MELTF: variants seen among roughly 807,000 people sequenced by gnomAD.
MELTF encodes the protein antigen p97 (melanoma associated) identified by monoclonal antibodies 133.2 and 96.5.
In MELTF, 67 loss-of-function variants were observed where a neutral mutation model predicts 83.7. That is an observed-to-expected ratio of 0.80 (90% CI 0.66 to 0.98). The LOEUF (loss-of-function observed/expected upper bound fraction) is 0.98, where lower values mean the gene tolerates loss of function less well. MELTF is among the 50% of genes least tolerant of loss of function. The probability of loss-of-function intolerance (pLI) is 0.00; values close to 1 mark genes in which losing one functional copy is unlikely to be tolerated. For missense variants in MELTF, 1,002 were observed against 1,035.6 expected (o/e 0.97, Z 0.44); for synonymous variants, 462 against 447.6 (o/e 1.03, Z -0.41).
Position 197,021,447 on chromosome 3 carries a change from G to A in MELTF, c.669C>T (p.Asp223=), listed in dbSNP as rs148913417. ...AFRCLAEGAG[D]VAFVKHSTVL... ...CCGTGCTGTGCTTCACAAAAGCCAC[G>A]TCCCCTGCCCCTTCCGCCAGGCACC... The change falls in exon 6 of 16, where the codon GAC becomes GAT. Residue 223 remains aspartate (D), a synonymous_variant. Coordinates refer to ENST00000296350, the MANE Select transcript of MELTF (RefSeq NM_005929.6). 522 of 1,613,982 alleles carry A rather than the reference G, an allele frequency of 3.2e-4. 3 individuals are homozygous for A. In the African/African-American group the frequency reaches 5.0e-3, roughly 15 times the overall value.
Position 197,006,054 on chromosome 3 carries a change from A to G in MELTF, c.1938+495T>C, listed in dbSNP as rs1266496441. ...GCTAACACGGTGAAACCCCTTCTCT[A>G]CTAAAAAATAGAAAAAATTAGCCAG... On this transcript the variant is annotated intron_variant, in intron 14 of 15. Coordinates refer to ENST00000296350, the MANE Select transcript of MELTF (RefSeq NM_005929.6). The surrounding 1 kb of genome is among the most constrained non-coding windows in gnomAD (Gnocchi z 5.4). Among the ~76,000 whole-genome samples the G allele has an allele frequency of 2.0e-5, 3 of 152,088 alleles. No homozygotes were observed. The highest frequency in any genetic ancestry group is 2.4e-5 in the African/African-American group (1 of 41,414).
chr3:197,004,345 A>G, intron 14 of MELTF: 1 of 545,576 alleles, frequency 1.8e-6, no homozygotes. Flanking sequence ...GCGGTGCTCC[A>G]GCTCCTGGAT....
Position 197,003,365 on chromosome 3 carries a change from G to A in MELTF, c.*7C>T. The A allele has an allele frequency of 9.3e-7, 1 of 1,073,186 alleles. No homozygotes were observed. Among genetic ancestry groups the A allele is most frequent in the Non-Finnish European group, 1.1e-6 (1 of 887,760 alleles). The allele number at this position is 1,073,186 out of a possible 1,614,324, so 66.5% of individuals were successfully genotyped here. On this transcript the variant is annotated 3_prime_UTR_variant, in exon 16 of 16. Transcript: ENST00000296350. The surrounding 1 kb of genome is among the most constrained non-coding windows in gnomAD (Gnocchi z 6.2). ...GGCATCGGAGCTCTGGGGCGGGGCG[G>A]CCGGGCTCAGAGGGCGGGCGGGAGC...
At chr3:197,016,465 C>G in intron 7 of MELTF, 96 bp from the exon 8 acceptor site, 1 of 1,179,744 alleles carries the variant, frequency 8.5e-7, no homozygotes, top group South Asian at 1.8e-5. Context: ...TCCCCGACCT[C>G]AGACCAGGCA....
intron 6 of MELTF, chr3:197,019,487 C>T (rs1433264068): frequency 6.8e-7 from 1 of 1,479,252 alleles, no homozygotes; most frequent in African/African-American, 1.4e-5. Flanking sequence ...CCTGTCATCC[C>T]AGCTACTCAG....
intron 9 of MELTF, among the ~76,000 whole-genome samples, chr3:197,014,383 G>GTTTTTTTTTTTTTTTTT (rs71623319): frequency 9.9e-6 from 1 of 101,058 alleles, no homozygotes; most frequent in East Asian, 3.2e-4. Context: ...AATAGGGAGA[G>GTTTTTTTTTTTTTTTTT]TTTTTTTTTT....
rs748982051 is a variant in MELTF at position 197,008,709 on chromosome 3, A to C, written c.1698T>G (p.Asn566Lys). Residue 566 changes from asparagine to lysine, a missense_variant, in exon 13 of 16, where the codon AAT becomes AAG. Asn to Lys is a moderately conservative substitution (Grantham distance 94). Coordinates refer to ENST00000296350, the MANE Select transcript of MELTF (RefSeq NM_005929.6). This position sits in a 1 kb window ranked among gnomAD's most constrained non-coding sequence, Gnocchi z 5.4. ...GCCTGACGAAGGCAACGTCACCCGC[A>C]TTCTCCACCAGGCACCTGCCACACA... is the stretch of plus-strand genomic sequence containing the variant. Reference protein sequence around the residue: ...YRGAFRCLVENAGDVAFVRHT... With the variant: ...YRGAFRCLVEKAGDVAFVRHT... 2 of 1,613,946 alleles carry C rather than the reference A, an allele frequency of 1.2e-6. No homozygotes were observed. Among genetic ancestry groups the C allele is most frequent in the Admixed American group, 1.7e-5 (1 of 59,992 alleles).
In MELTF at chr3:197,029,444, G is replaced by A. The variant is rs767258506; in HGVS notation, c.49+210C>T. ...TCGGAAGCCTCGGGTGTTCGAGGCC[G>A]CCTCCTCCAAGAAGCCTTCCAGACT... On this transcript the variant is annotated intron_variant, in intron 1 of 15. Transcript: ENST00000296350. The surrounding 1 kb of genome is among the most constrained non-coding windows in gnomAD (Gnocchi z 6.5). 32 of 402,920 alleles carry A rather than the reference G, an allele frequency of 7.9e-5. No homozygotes were observed. Among genetic ancestry groups the A allele is most frequent in the Middle Eastern group, 6.4e-4 (1 of 1,568 alleles). The allele number at this position is 402,920 out of a possible 1,614,324, so 25.0% of individuals were successfully genotyped here. A position where few individuals can be genotyped will look rare whatever the true frequency, so the allele number is the denominator to read the frequency against.
chr3:197,022,976 C>G lies in MELTF; in HGVS notation c.625G>C (p.Asp209His), dbSNP rs147201042. 1 of 1,611,290 alleles carries G rather than the reference C, an allele frequency of 6.2e-7. No individual in the cohort carries two copies. Among genetic ancestry groups the G allele is most frequent in the Non-Finnish European group, 8.5e-7 (1 of 1,179,234 alleles). Residue 209 changes from aspartate (D) to histidine (H), a missense_variant, in exon 5 of 16, where the codon GAC becomes CAC. Transcript: ENST00000296350. This position sits in a 1 kb window ranked among gnomAD's most constrained non-coding sequence, Gnocchi z 5.1. ...CDKSPLERYY[D>H]YSGAFRCLAE... ...GCTCACCGGAAGGCCCCGCTGTAGT[C>G]GTAGTATCTCTCCAGGGGGCTCTTG...
In MELTF at chr3:197,024,618, C is replaced by A; in HGVS notation, c.305-133G>T. ...GCTGTACACACGGATGTGTGCATAG[C>A]GTTCTCGTTACCAAGAGAGCAAGTG... On this transcript the variant is annotated intron_variant, in intron 3 of 15. Transcript: ENST00000296350. This position sits in a 1 kb window ranked among gnomAD's most constrained non-coding sequence, Gnocchi z 5.3. 1.6e-6 allele frequency: 1 copy of A among 628,546 alleles called. No individual in the cohort carries two copies. Among genetic ancestry groups the A allele is most frequent in the Non-Finnish European group, 2.5e-6 (1 of 401,314 alleles). The allele number at this position is 628,546 out of a possible 1,614,324, so 38.9% of individuals were successfully genotyped here. A position where few individuals can be genotyped will look rare whatever the true frequency, so the allele number is the denominator to read the frequency against.
intron 11 of MELTF, 100 bp downstream of exon 11, chr3:197,009,517 TG>T: frequency 1.6e-6 from 2 of 1,224,960 alleles, no homozygotes; most frequent in Non-Finnish European, 2.3e-6. Context: ...TGCAGAAGCC[TG>T]GCCACCTTCC....
chr3:197,017,324 C>T lies in MELTF; in HGVS notation c.713-34G>A, dbSNP rs532083867. ...CAGGAAGCCTGGGCTGAGCCAGCTC[C>T]GAAAGGGGTTGGGGCGGGTGGCGGG... On this transcript the variant is annotated intron_variant, in intron 6 of 15. Coordinates refer to ENST00000296350, the MANE Select transcript of MELTF (RefSeq NM_005929.6). The T allele has an allele frequency of 6.2e-4, 930 of 1,489,712 alleles. 5 individuals are homozygous for T. The highest frequency in any genetic ancestry group is 2.3e-3 in the East Asian group (95 of 40,766). The allele number at this position is 1,489,712 out of a possible 1,614,324, so 92.3% of individuals were successfully genotyped here. A position where few individuals can be genotyped will look rare whatever the true frequency, so the allele number is the denominator to read the frequency against.
chr3:197,029,758 T>G lies in MELTF; in HGVS notation c.-56A>C. 1.7e-6 allele frequency: 2 copies of G among 1,152,016 alleles called. No homozygotes were observed. The highest frequency in any genetic ancestry group is 8.8e-5 in the South Asian group (2 of 22,818). The allele number at this position is 1,152,016 out of a possible 1,614,324, so 71.4% of individuals were successfully genotyped here. On this transcript the variant is annotated 5_prime_UTR_variant, in exon 1 of 16. Transcript: ENST00000296350. The surrounding 1 kb of genome is among the most constrained non-coding windows in gnomAD (Gnocchi z 6.5). Reference sequence around the variant, plus strand: ...GGGGCTGGGTCCGGGTCCGAGGAGGTCCGCAGCAGCCGGGCTTCCTCCCTG... The same window carrying G: ...GGGGCTGGGTCCGGGTCCGAGGAGGGCCGCAGCAGCCGGGCTTCCTCCCTG...
Position 197,008,522 on chromosome 3 carries a change from C to T in MELTF, c.1750+135G>A. 2 of 986,678 alleles carry T rather than the reference C, an allele frequency of 2.0e-6. No individual in the cohort carries two copies. Among genetic ancestry groups the T allele is most frequent in the Non-Finnish European group, 3.0e-6 (2 of 671,458 alleles). 61.1% of individuals were successfully genotyped at this position (986,678 alleles called of 1,614,324 possible). A position where few individuals can be genotyped will look rare whatever the true frequency, so the allele number is the denominator to read the frequency against. On this transcript the variant is annotated intron_variant, in intron 13 of 15. Coordinates refer to ENST00000296350, the MANE Select transcript of MELTF (RefSeq NM_005929.6). This position sits in a 1 kb window ranked among gnomAD's most constrained non-coding sequence, Gnocchi z 5.4. Reference sequence around the variant, plus strand: ...GTGACCCTTGGGGCTCCCAGCTTCCCAGGGGGCACAGCCTTCTAGACTCAG... The same window carrying T: ...GTGACCCTTGGGGCTCCCAGCTTCCTAGGGGGCACAGCCTTCTAGACTCAG...
rs935038221 is a variant in MELTF at position 197,022,238 on chromosome 3, G to A, written c.644+719C>T. Among the ~76,000 whole-genome samples the A allele has an allele frequency of 3.9e-5, 6 of 152,152 alleles. No individual in the cohort carries two copies. Among genetic ancestry groups the A allele is most frequent in the Admixed American group, 1.3e-4 (2 of 15,288 alleles). ...AAATGCACAGGGATTAGAGCAGATC[G>A]GGGCGGGCGACATCAGGAGAGGGCT... is the stretch of plus-strand genomic sequence containing the variant. On this transcript the variant is annotated intron_variant, in intron 5 of 15. Coordinates refer to ENST00000296350, the MANE Select transcript of MELTF (RefSeq NM_005929.6). This position sits in a 1 kb window ranked among gnomAD's most constrained non-coding sequence, Gnocchi z 5.1.
chr3:197,028,201 C>G (rs1719943118), intron 1 of MELTF: 1 of 375,318 alleles, frequency 2.7e-6, no homozygotes, highest in Admixed American at 3.8e-5. Context: ...TCAGCTACCC[C>G]CACCTGGTGG....
Position 197,029,598 on chromosome 3 carries a change from G to C in MELTF, c.49+56C>G. 8.2e-7 allele frequency: 1 copy of C among 1,225,624 alleles called. No individual in the cohort carries two copies. The highest frequency in any genetic ancestry group is 1.6e-5 in the African/African-American group (1 of 64,258). The allele number at this position is 1,225,624 out of a possible 1,614,324, so 75.9% of individuals were successfully genotyped here. A position where few individuals can be genotyped will look rare whatever the true frequency, so the allele number is the denominator to read the frequency against. The stretch of plus-strand genomic sequence containing the variant: ...TTCCAGCCCCGGGACCTGCTCAGCC[G>C]GGCCGCGGCGCCCCGGGACCCCCGC... On this transcript the variant is annotated intron_variant, in intron 1 of 15. Coordinates refer to ENST00000296350, the MANE Select transcript of MELTF (RefSeq NM_005929.6). The surrounding 1 kb of genome is among the most constrained non-coding windows in gnomAD (Gnocchi z 6.5).
Position 197,015,492 on chromosome 3 carries a change from C to A in MELTF, c.1106G>T (p.Cys369Phe). Residue 369 changes from cysteine (C) to phenylalanine (F), a missense_variant, in exon 9 of 16, where the codon TGT (cysteine) becomes TTT (phenylalanine). Physicochemically the swap from Cys to Phe is radical, Grantham distance 205 (BLOSUM62 -2). Coordinates refer to ENST00000296350, the MANE Select transcript of MELTF (RefSeq NM_005929.6). Reference sequence around the variant, plus strand: ...CTGGATCTCGGGAGTGGAGAGCACACACCAGCGCAGGTAGGGGGGCAGCCC... The same window carrying A: ...CTGGATCTCGGGAGTGGAGAGCACAAACCAGCGCAGGTAGGGGGGCAGCCC... The part of the protein sequence containing the change: ...PNRLPPYLRW[C>F]VLSTPEIQKC... The A allele has an allele frequency of 6.2e-7, 1 of 1,611,968 alleles. No homozygotes were observed. Among genetic ancestry groups the A allele is most frequent in the Non-Finnish European group, 8.5e-7 (1 of 1,179,340 alleles).
chr3:197,002,099 G>A lies in MELTF; in HGVS notation c.*1273C>T, dbSNP rs1718752689. 1 of 152,230 alleles carries A rather than the reference G, an allele frequency of 6.6e-6. No homozygotes were observed. Among genetic ancestry groups the A allele is most frequent in the Non-Finnish European group, 1.5e-5 (1 of 68,080 alleles). 9.4% of individuals were successfully genotyped at this position (152,230 alleles called of 1,614,324 possible). Reference sequence around the variant, plus strand: ...GGGGTGAAGGTGCCCGGGACTCCTCGGGGTTGCATGGCTACAGCCGGGGCG... The same window carrying A: ...GGGGTGAAGGTGCCCGGGACTCCTCAGGGTTGCATGGCTACAGCCGGGGCG... On this transcript the variant is annotated 3_prime_UTR_variant, in exon 16 of 16. Transcript: ENST00000296350.
Sources: gnomAD v4.1 joint callset for allele counts (sites outside exome capture counted in the v4.1 genomes callset) on GRCh38, gnomAD v4.1.1 for gene constraint, Gnocchi (gnomAD v3.1) non-coding constraint, MANE v1.5 for transcripts, NCBI Gene and HGNC (gene_info 2026-07-23, HGNC 2026-07-21) for gene names.